The following GTPBP6 variants were observed in gnomAD, a reference collection of about 807,000 sequenced individuals.
GTPBP6 encodes putative GTP-binding protein 6.
A neutral mutation model predicts 28.9 loss-of-function variants in GTPBP6; 33 were observed. The ratio of observed to expected loss-of-function variants is 1.14; its 90% CI spans 0.87 to 1.53. The LOEUF (loss-of-function observed/expected upper bound fraction) is 1.53. Among genes scored for constraint, GTPBP6 ranks in the 40% most tolerant of loss-of-function variants. The probability of loss-of-function intolerance (pLI) is 0.00; values close to 1 mark genes in which losing one functional copy is unlikely to be tolerated. For missense variants in GTPBP6, 507 were observed against 408.3 expected, an observed-to-expected ratio of 1.24 and a Z score of -2.08; for synonymous variants, 231 against 192.7, an observed-to-expected ratio of 1.20 and a Z score of -1.65.
intron 5 of GTPBP6, 143 bp downstream of exon 5, chrX:314,007 T>G: frequency 1.4e-6 from 1 of 737,326 alleles, no homozygotes. Flanking sequence ...GCTGAGGGTC[T>G]CCTATGTCCT....
intron 5 of GTPBP6, among the ~76,000 whole-genome samples, 180 bp from the exon 6 acceptor site, chrX:313,104 G>C (rs113676265): frequency 0.48 from 73,373 of 152,102 alleles, 18,023 homozygotes; most frequent in Middle Eastern, 0.54. Context: ...GGCTCTGCTC[G>C]GCGGAACGGG....
At chrX:306,249 CAG>C (rs2070160860) in intron 9 of GTPBP6, among the ~76,000 whole-genome samples, 1 of 146,816 alleles carries the variant, frequency 6.8e-6, no homozygotes, top group South Asian at 2.1e-4. Flanking sequence ...TGTATGCAGT[CAG>C]AAATGTACAT....
At chrX:305,466 T>G (rs368138750) in intron 9 of GTPBP6, among the ~76,000 whole-genome samples, 1 of 150,846 alleles carries the variant, frequency 6.6e-6, no homozygotes. Context: ...GGACTACAGG[T>G]GCATGCCACC....
At chrX:311,900 T>TGA in intron 6 of GTPBP6, 1 of 598,760 alleles carries the variant, frequency 1.7e-6, no homozygotes, top group Non-Finnish European at 3.0e-6. Context: ...TGGATGGGAG[T>TGA]GAGGTCGTCT....
chrX:307,361 T>C, exon 9 of GTPBP6: 1 of 1,611,874 alleles, frequency 6.2e-7, no homozygotes, highest in South Asian at 1.1e-5. Flanking sequence ...GCCGCTCACC[T>C]GAGCTGCGCC....
exon 7 of GTPBP6, chrX:311,467 G>A (rs371062692): frequency 6.6e-5 from 107 of 1,611,966 alleles, no homozygotes; most frequent in Non-Finnish European, 8.1e-5. Flanking sequence ...CGATGAGGCC[G>A]TGCGGCAGCT....
rs1258978686 is a variant in GTPBP6 at position 317,784 on chromosome X, C to A, written c.349+655G>T. ...ACGGACTCCACCCCATAAGCTCCGCCCCCGCACTTTTACCCCATAGGCCCC... is the reference window on the plus strand; with the variant it reads ...ACGGACTCCACCCCATAAGCTCCGCACCCGCACTTTTACCCCATAGGCCCC... On this transcript the variant is annotated intron_variant, in intron 1 of 9. Transcript: ENST00000326153. Among the ~76,000 whole-genome samples, 463 of 145,236 alleles carry A rather than the reference C, an allele frequency of 3.2e-3. 3 individuals carry two copies. The highest frequency in any genetic ancestry group is 5.5e-3 in the Non-Finnish European group (362 of 66,024).
intron 9 of GTPBP6, 100 bp from the exon 10 acceptor site, chrX:305,297 A>C: frequency 3.3e-6 from 3 of 903,832 alleles, no homozygotes; most frequent in South Asian, 1.5e-5. Context: ...AGCTCAAACC[A>C]TTCATCAGAC....
chrX:313,262 A>T (rs1220885989), intron 5 of GTPBP6, among the ~76,000 whole-genome samples: 1 of 152,186 alleles, frequency 6.6e-6, no homozygotes. Context: ...CCCCTTTCAC[A>T]TCCGAAGTCC....
At chrX:306,951 GTCAGCACAGATTAGGCA>G (rs2070182225) in intron 9 of GTPBP6, among the ~76,000 whole-genome samples, 6 of 144,112 alleles carry the variant, frequency 4.2e-5, no homozygotes, top group South Asian at 2.3e-4. Context: ...CATTTTGACT[GTCAGCACAGATTAGGCA>G]CCTGTTGTAT....
rs1167834701 is a variant in GTPBP6 at position 311,462 on chromosome X, A to C, written c.1082T>G (p.Leu361Arg). 1.3e-6 allele frequency: 2 copies of C among 1,546,970 alleles called. 1 individual carries two copies. The highest frequency in any genetic ancestry group is 3.9e-5 in the Admixed American group (2 of 51,724). ...CAGGGTGGCGGAGAAGGACTCGATG[A>C]GGCCGTGCGGCAGCTGGGAGAGGAA... Residue 361 changes from leucine to arginine, a missense_variant, in exon 7 of 10, where the codon CTC becomes CGC. Transcript: ENST00000326153.
intron 7 of GTPBP6, among the ~76,000 whole-genome samples, chrX:308,676 T>C (rs1486237155): frequency 2.0e-5 from 3 of 151,388 alleles, no homozygotes; most frequent in African/African-American, 7.3e-5. Context: ...CGAGACCCTG[T>C]CTCTAAAGAA....
chrX:307,791 C>T, exon 8 of GTPBP6: 1 of 1,544,304 alleles, frequency 6.5e-7, no homozygotes, highest in South Asian at 1.2e-5. Context: ...GCGGGGCGGG[C>T]AGCTGCAGGC....
At chrX:311,836 C>G (rs1372258892) in intron 6 of GTPBP6, 24 of 605,726 alleles carry the variant, frequency 4.0e-5, no homozygotes, top group Admixed American at 8.7e-5. Context: ...GGAGCGGGGC[C>G]GCCGTGCGGA....
At chrX:314,960 T>C in exon 4 of GTPBP6, 1 of 398,698 alleles carries the variant, frequency 2.5e-6, no homozygotes, top group Non-Finnish European at 4.4e-6. Flanking sequence ...CAGCGGAAGA[T>C]GTGCAGGACG....
chrX:304,874 G>T, exon 10 of GTPBP6: 1 of 1,435,468 alleles, frequency 7.0e-7, no homozygotes. Context: ...TGGACGCTCG[G>T]GCGGCCCGCT....
chrX:306,707 C>T (rs2070174552), intron 9 of GTPBP6, among the ~76,000 whole-genome samples: 1 of 146,266 alleles, frequency 6.8e-6, no homozygotes, highest in Non-Finnish European at 1.5e-5. Context: ...GATTAGGCAC[C>T]TGTTGTATGC....
At chrX:315,282 G>A (rs1281205481) in exon 3 of GTPBP6, 9 of 398,406 alleles carry the variant, frequency 2.3e-5, no homozygotes, top group African/African-American at 1.9e-4. Flanking sequence ...GTGATGTCTG[G>A]AGACCCTCGG....
At chrX:306,823 G>A (rs889603046) in intron 9 of GTPBP6, among the ~76,000 whole-genome samples, 4 of 151,190 alleles carry the variant, frequency 2.6e-5, no homozygotes, top group African/African-American at 9.8e-5. Context: ...TGTATCCACA[G>A]TCAGAAATGT....
Sources: allele counts gnomAD v4.1 joint callset (sites outside exome capture counted in the v4.1 genomes callset), GRCh38; gene constraint gnomAD v4.1.1; transcripts MANE v1.5; gene names NCBI Gene and HGNC (gene_info 2026-07-23, HGNC 2026-07-21).